The following ROR1 variants were observed in gnomAD, a reference collection of about 807,000 sequenced individuals.
ROR1 encodes the protein inactive tyrosine-protein kinase transmembrane receptor ROR1.
Under a neutral mutation model 78.8 loss-of-function variants are expected in ROR1, and 19 were observed. That is an observed-to-expected ratio of 0.24 (90% CI 0.17 to 0.35). The LOEUF (loss-of-function observed/expected upper bound fraction) is 0.35, where lower values mean the gene tolerates loss of function less well. ROR1 is among the 10% of genes least tolerant of loss of function. ROR1 has a pLI of 1.00. For synonymous variants in ROR1, 386 were observed against 433.6 expected (o/e 0.89, Z 1.36); for missense variants, 917 against 1,177.8 (o/e 0.78, Z 3.24).
intron 1 of ROR1, among the ~76,000 whole-genome samples, chr1:63,835,585 TTCAG>T (rs1374208780): frequency 6.6e-6 from 1 of 152,210 alleles, no homozygotes; most frequent in African/African-American, 2.4e-5. Context: ...ACTGAGATGA[TTCAG>T]TCACTCATTT....
intron 4 of ROR1, among the ~76,000 whole-genome samples, chr1:64,096,048 A>G: frequency 7.0e-6 from 1 of 143,542 alleles, no homozygotes. Context: ...AAATAAATAA[A>G]TAATGTGAAC....
intron 1 of ROR1, among the ~76,000 whole-genome samples, chr1:63,941,793 CT>C (rs1230434665): frequency 2.6e-5 from 4 of 152,128 alleles, no homozygotes; most frequent in African/African-American, 9.7e-5. Flanking sequence ...GATACTACTA[CT>C]ACCAGTACCA....
At chr1:64,069,253 C>A (rs1326167627) in intron 4 of ROR1, among the ~76,000 whole-genome samples, 1 of 151,810 alleles carries the variant, frequency 6.6e-6, no homozygotes, top group Non-Finnish European at 1.5e-5. Context: ...CTTTAAAATT[C>A]TTTTTGCACA....
intron 1 of ROR1, among the ~76,000 whole-genome samples, chr1:63,892,112 C>T (rs1645402075): frequency 6.6e-6 from 1 of 152,174 alleles, no homozygotes; most frequent in African/African-American, 2.4e-5. Flanking sequence ...CATTAATTCA[C>T]TTCTAATGGA....
chr1:63,943,598 C>T (rs938525853), intron 1 of ROR1, among the ~76,000 whole-genome samples: 8 of 151,986 alleles, frequency 5.3e-5, no homozygotes, highest in Admixed American at 2.6e-4. Flanking sequence ...GAGCAGATAC[C>T]GGGTGAGAGC....
intron 4 of ROR1, among the ~76,000 whole-genome samples, chr1:64,125,474 G>T (rs1648677979): frequency 6.6e-6 from 1 of 152,148 alleles, no homozygotes; most frequent in East Asian, 1.9e-4. Context: ...CTACAAAGCT[G>T]GGAGTTGATA....
intron 2 of ROR1, among the ~76,000 whole-genome samples, chr1:64,012,459 G>A (rs1646483754): frequency 6.6e-6 from 1 of 152,128 alleles, no homozygotes; most frequent in Non-Finnish European, 1.5e-5. Context: ...GCCTGGAATT[G>A]ATTAAACTAG....
chr1:64,004,854 C>T (rs569071067), intron 1 of ROR1, among the ~76,000 whole-genome samples: 1 of 152,256 alleles, frequency 6.6e-6, no homozygotes, highest in Non-Finnish European at 1.5e-5. Flanking sequence ...AAAAGTCAAT[C>T]CTCCGAGAAA....
intron 1 of ROR1, among the ~76,000 whole-genome samples, chr1:64,006,325 G>T (rs966221834): frequency 5.3e-5 from 8 of 152,108 alleles, no homozygotes; most frequent in Non-Finnish European, 8.8e-5. Flanking sequence ...CTGAAGTCTG[G>T]GTGTCGGGGT....
At chr1:64,032,855 G>A (rs1483304317) in intron 2 of ROR1, among the ~76,000 whole-genome samples, 1 of 152,210 alleles carries the variant, frequency 6.6e-6, no homozygotes, top group Non-Finnish European at 1.5e-5. Flanking sequence ...AAATAAACAA[G>A]AGACTTTTTT....
chr1:63,992,738 A>G (rs1214976027), intron 1 of ROR1, among the ~76,000 whole-genome samples: 4 of 152,188 alleles, frequency 2.6e-5, no homozygotes, highest in African/African-American at 7.2e-5. Flanking sequence ...AGATAATAAC[A>G]CATCAGCAAA....
chr1:63,908,407 C>A (rs1202348156), intron 1 of ROR1, among the ~76,000 whole-genome samples: 1 of 152,066 alleles, frequency 6.6e-6, no homozygotes. Context: ...GCCTATTTTT[C>A]TTTGGTAAAC....
intron 4 of ROR1, among the ~76,000 whole-genome samples, chr1:64,114,929 G>A (rs527858223): frequency 1.3e-5 from 2 of 152,190 alleles, no homozygotes; most frequent in South Asian, 4.2e-4. Flanking sequence ...TCCAATTTTG[G>A]TTAAGTAGAG....
chr1:63,858,393 G>T (rs185749808), intron 1 of ROR1, among the ~76,000 whole-genome samples: 1 of 152,234 alleles, frequency 6.6e-6, no homozygotes, highest in Admixed American at 6.5e-5. Context: ...CATTAGTTAA[G>T]TAGAGTGGAA....
chr1:64,158,387 G>A (rs1284333880), intron 7 of ROR1, among the ~76,000 whole-genome samples: 2 of 152,164 alleles, frequency 1.3e-5, no homozygotes, highest in Non-Finnish European at 2.9e-5. Flanking sequence ...ATTTGTTCAA[G>A]GTCACACAGC....
rs115489126 is a variant in ROR1 at position 64,174,624 on chromosome 1, C to A, written c.1387-2804C>A. ...CTCAGTCCCTTAAAGTTCTCTGTCT[C>A]CAAAAGCGTAGAGATCTTATTTTTG... On this transcript the variant is annotated intron_variant, in intron 8 of 8. Coordinates refer to ENST00000371079, the MANE Select transcript of ROR1 (RefSeq NM_005012.4). Among the ~76,000 whole-genome samples the A allele has an allele frequency of 5.3e-3, 810 of 152,266 alleles. 9 individuals carry two copies. The highest frequency in any genetic ancestry group is 0.017 in the African/African-American group (716 of 41,544).
chr1:63,957,269 T>C (rs922483532), intron 1 of ROR1, among the ~76,000 whole-genome samples: 4 of 152,190 alleles, frequency 2.6e-5, no homozygotes, highest in Non-Finnish European at 4.4e-5. Context: ...CGTTGTAATT[T>C]CATGCAACTG....
chr1:64,137,372 T>C lies in ROR1; in HGVS notation c.486T>C (p.Asp162=). ...GTCTGTCTATGCTTTCTTTCAGAGA[T>C]GAGTATGAAGAAGATGGATTCTGTC... is the stretch of plus-strand genomic sequence containing the variant. ...PPPTASPGYS[D]EYEEDGFCQP... is the part of the protein sequence containing the mutation. The change falls in exon 5 of 9, where the codon GAT becomes GAC. Residue 162 remains aspartate, a synonymous_variant. Transcript: ENST00000371079. 1 of 1,613,924 alleles carries C rather than the reference T, an allele frequency of 6.2e-7. No homozygotes were observed. Among genetic ancestry groups the C allele is most frequent in the African/African-American group, 1.3e-5 (1 of 75,038 alleles).
chr1:64,109,243 T>A (rs1385789762), intron 4 of ROR1, among the ~76,000 whole-genome samples: 1 of 152,350 alleles, frequency 6.6e-6, no homozygotes, highest in East Asian at 1.9e-4. Context: ...TCAGCTCCGA[T>A]GCACAAGATT....
Sources: gnomAD v4.1 joint callset for allele counts (sites outside exome capture counted in the v4.1 genomes callset) on GRCh38, gnomAD v4.1.1 for gene constraint, MANE v1.5 for transcripts, NCBI Gene and HGNC (gene_info 2026-07-23, HGNC 2026-07-21) for gene names.